ZNF423: variants seen among roughly 807,000 people sequenced by gnomAD.
ZNF423 encodes zinc finger protein 423, also known as Ebf-associated zinc finger protein.
A neutral mutation model predicts 95.8 loss-of-function variants in ZNF423; 12 were observed. The ratio of observed to expected loss-of-function variants is 0.13; its 90% CI spans 0.08 to 0.20. The LOEUF (loss-of-function observed/expected upper bound fraction) is 0.20. Among genes scored for constraint, ZNF423 ranks in the 10% least tolerant of loss-of-function variants. ZNF423 has a pLI of 1.00. For missense variants in ZNF423, 1,316 were observed against 1,737.1 expected (o/e 0.76, Z 4.31); for synonymous variants, 749 against 711.9 (o/e 1.05, Z -0.83).
At position 49,702,609 on chromosome 16, in the gene ZNF423, G is replaced by A. The variant is rs552508151; in HGVS notation, c.301+28162C>T. On this transcript the variant is annotated intron_variant, in intron 3 of 7. Transcript: ENST00000563137. ...AGCCCTCAAGGAGAGGCTGGATGGC[G>A]GGAGGGGGTCAGAACAAGGGGCACG... Among the ~76,000 whole-genome samples the A allele has an allele frequency of 7.9e-5, 12 of 152,332 alleles. No homozygotes were observed. In the South Asian group the frequency reaches 1.0e-3, roughly 13 times the overall value.
chr16:49,800,724 C>T (rs574513473), intron 1 of ZNF423, among the ~76,000 whole-genome samples: 1 of 152,204 alleles, frequency 6.6e-6, no homozygotes, highest in Non-Finnish European at 1.5e-5. Flanking sequence ...TCCTCCCAGG[C>T]CCCCTCAGAG....
In ZNF423 at chr16:49,488,026, G is replaced by A. The variant is rs1406555914; in HGVS notation, c.*3249C>T. On this transcript the variant is annotated 3_prime_UTR_variant, in exon 8 of 8. Coordinates refer to ENST00000563137, the MANE Select transcript of ZNF423 (RefSeq NM_001379286.1). ...CATGAGGCCAGGGACCACATCTGCT[G>A]GTCATCTCCTTATCCCCAGTGCCCT... 1 of 152,176 alleles carries A rather than the reference G, an allele frequency of 6.6e-6. No individual in the cohort carries two copies. Among genetic ancestry groups the A allele is most frequent in the Non-Finnish European group, 1.5e-5 (1 of 68,038 alleles). The allele number at this position is 152,176 out of a possible 1,614,324, so 9.4% of individuals were successfully genotyped here.
chr16:49,739,768 A>T (rs554441125), intron 2 of ZNF423, among the ~76,000 whole-genome samples: 1 of 142,144 alleles, frequency 7.0e-6, no homozygotes, highest in Non-Finnish European at 1.5e-5. Flanking sequence ...ATGCGATCTC[A>T]GCTCACTGCA....
chr16:49,589,885 G>C (rs529054551), intron 5 of ZNF423, among the ~76,000 whole-genome samples: 19 of 152,038 alleles, frequency 1.2e-4, no homozygotes, highest in African/African-American at 4.6e-4. Context: ...GGTAGGCTCC[G>C]CAGACCTTGG....
chr16:49,784,114 G>A (rs908622758), intron 2 of ZNF423, among the ~76,000 whole-genome samples: 2 of 152,206 alleles, frequency 1.3e-5, no homozygotes, highest in African/African-American at 4.8e-5. Flanking sequence ...CTCATGAGCA[G>A]TGGGAATGTA....
intron 1 of ZNF423, among the ~76,000 whole-genome samples, chr16:49,789,800 A>C (rs1436227983): frequency 6.6e-6 from 1 of 152,182 alleles, no homozygotes. Context: ...TGCCCCTGGC[A>C]GACATCACTA....
intron 3 of ZNF423, among the ~76,000 whole-genome samples, chr16:49,701,973 G>A (rs930337314): frequency 2.6e-5 from 4 of 152,100 alleles, no homozygotes; most frequent in African/African-American, 9.7e-5. Flanking sequence ...AAGACCCCAT[G>A]GGGACTTCCA....
intron 5 of ZNF423, among the ~76,000 whole-genome samples, chr16:49,546,480 TA>T (rs1316522711): frequency 1.3e-5 from 2 of 151,996 alleles, no homozygotes; most frequent in Non-Finnish European, 2.9e-5. Flanking sequence ...GGGGATAGAG[TA>T]CTAGGATGTT....
intron 1 of ZNF423, among the ~76,000 whole-genome samples, chr16:49,817,445 C>A (rs35518656): frequency 0.049 from 7,426 of 152,264 alleles, 227 homozygotes; most frequent in South Asian, 0.11. Flanking sequence ...CTGGAAAGGG[C>A]CCCTGAGATT....
At chr16:49,746,415 A>G (rs1159482783) in intron 2 of ZNF423, among the ~76,000 whole-genome samples, 4 of 152,142 alleles carry the variant, frequency 2.6e-5, no homozygotes, top group African/African-American at 9.7e-5. Flanking sequence ...CTTATCAATC[A>G]CAGTGAAGCA....
chr16:49,565,933 G>A (rs2080942778), intron 5 of ZNF423, among the ~76,000 whole-genome samples: 1 of 151,978 alleles, frequency 6.6e-6, no homozygotes, highest in South Asian at 2.1e-4. Flanking sequence ...GAGAAAGGGA[G>A]GGGAGGGGTG....
Position 49,626,262 on chromosome 16 carries a change from G to A in ZNF423, c.3517-8C>T. On this transcript the variant is annotated splice_region_variant and splice_polypyrimidine_tract_variant and intron_variant, in intron 4 of 7. Transcript: ENST00000563137. ...GCACTGGTATGTCTTTTTCTGTTTG[G>A]AAACCAAAAATAAAAGATTTAGAGA... 6.2e-7 allele frequency: 1 copy of A among 1,613,394 alleles called. No homozygotes were observed. Among genetic ancestry groups the A allele is most frequent in the East Asian group, 2.2e-5 (1 of 44,866 alleles).
At chr16:49,775,357 G>A (rs527779232) in intron 2 of ZNF423, among the ~76,000 whole-genome samples, 2 of 152,260 alleles carry the variant, frequency 1.3e-5, no homozygotes, top group Non-Finnish European at 2.9e-5. Flanking sequence ...TGGCTGCCAG[G>A]AGGCTCAAAG....
At chr16:49,520,434 G>A (rs557338752) in intron 7 of ZNF423, among the ~76,000 whole-genome samples, 2 of 152,328 alleles carry the variant, frequency 1.3e-5, no homozygotes, top group African/African-American at 2.4e-5. Flanking sequence ...TTTGGAGGGA[G>A]ACATGTCAAT....
intron 1 of ZNF423, among the ~76,000 whole-genome samples, chr16:49,831,501 C>T (rs1467023999): frequency 6.6e-6 from 1 of 152,210 alleles, no homozygotes; most frequent in Admixed American, 6.5e-5. Context: ...ACCTATAAAG[C>T]GGAACTAATA....
intron 3 of ZNF423, among the ~76,000 whole-genome samples, chr16:49,675,463 T>A (rs1248019726): frequency 6.6e-6 from 1 of 152,076 alleles, no homozygotes; most frequent in East Asian, 1.9e-4. Flanking sequence ...GGGGGTGAAC[T>A]GCCCCACCCC....
At chr16:49,817,575 G>A (rs114051541) in intron 1 of ZNF423, among the ~76,000 whole-genome samples, 2,969 of 152,260 alleles carry the variant, frequency 0.019, 91 homozygotes, top group African/African-American at 0.066. Context: ...CACACAGAAC[G>A]CCTGATACCG....
chr16:49,526,433 C>T (rs999261522), intron 5 of ZNF423, among the ~76,000 whole-genome samples: 1 of 152,170 alleles, frequency 6.6e-6, no homozygotes, highest in Non-Finnish European at 1.5e-5. Flanking sequence ...CACAGAGTGC[C>T]TGAGCACCAG....
chr16:49,522,052 T>A (rs1968419579), intron 7 of ZNF423, among the ~76,000 whole-genome samples: 1 of 152,182 alleles, frequency 6.6e-6, no homozygotes. Flanking sequence ...GCCATTCAAG[T>A]GACTCTGCAT....
Sources: allele counts gnomAD v4.1 joint callset (sites outside exome capture counted in the v4.1 genomes callset), GRCh38; gene constraint gnomAD v4.1.1; transcripts MANE v1.5; gene names NCBI Gene and HGNC (gene_info 2026-07-23, HGNC 2026-07-21).